Variants in PID1 observed in about 807,000 individuals in gnomAD.
PID1 encodes the protein phosphotyrosine interaction domain containing 1.
Under a neutral mutation model 19.1 loss-of-function variants are expected in PID1, and 10 were observed. The observed-to-expected ratio is 0.52, with a 90% CI of 0.32 to 0.89. PID1 has a LOEUF of 0.89. Among genes scored for constraint, PID1 ranks in the 40% least tolerant of loss-of-function variants. The probability of loss-of-function intolerance (pLI) is 0.03; values close to 1 mark genes in which losing one functional copy is unlikely to be tolerated. For missense variants in PID1, 248 were observed against 285.3 expected (o/e 0.87, Z 0.94); for synonymous variants, 130 against 116.0 (o/e 1.12, Z -0.78).
intron 2 of PID1, among the ~76,000 whole-genome samples, chr2:229,030,428 A>G (rs1693521956): frequency 1.3e-5 from 2 of 152,162 alleles, no homozygotes; most frequent in African/African-American, 4.8e-5. Context: ...TGTTGTATGT[A>G]TTTTACCAAA....
intron 1 of PID1, among the ~76,000 whole-genome samples, chr2:229,254,009 G>A (rs1690223288): frequency 6.6e-6 from 1 of 152,162 alleles, no homozygotes; most frequent in African/African-American, 2.4e-5. Context: ...ACCTTCTTCG[G>A]AAATGGTTGC....
At chr2:229,250,968 G>A (rs1690135479) in intron 1 of PID1, among the ~76,000 whole-genome samples, 1 of 152,186 alleles carries the variant, frequency 6.6e-6, no homozygotes. Context: ...AACATTTGCT[G>A]AAAGTAAAGA....
intron 2 of PID1, among the ~76,000 whole-genome samples, chr2:229,082,985 G>A (rs116627228): frequency 0.033 from 4,996 of 151,844 alleles, 107 homozygotes; most frequent in Middle Eastern, 0.079. Context: ...ATAAATTGAC[G>A]GACATAAAGG....
chr2:229,205,342 T>C (rs1214055415), intron 1 of PID1, among the ~76,000 whole-genome samples: 1 of 152,098 alleles, frequency 6.6e-6, no homozygotes, highest in Non-Finnish European at 1.5e-5. Flanking sequence ...TGTACATGTA[T>C]GAATCACTAA....
intron 1 of PID1, among the ~76,000 whole-genome samples, chr2:229,196,513 A>C (rs1691381308): frequency 6.6e-6 from 1 of 152,130 alleles, no homozygotes; most frequent in Admixed American, 6.6e-5. Flanking sequence ...TAAAAACAAC[A>C]AAGCTCAAAA....
intron 1 of PID1, among the ~76,000 whole-genome samples, chr2:229,201,098 C>T (rs753932818): frequency 6.6e-6 from 1 of 152,004 alleles, no homozygotes; most frequent in Non-Finnish European, 1.5e-5. Context: ...TTCCCTTTTT[C>T]TATTTCTTTT....
chr2:229,163,686 T>TGCGCGCGCGC, intron 1 of PID1, among the ~76,000 whole-genome samples: 1 of 125,000 alleles, frequency 8.0e-6, no homozygotes, highest in South Asian at 2.4e-4. Flanking sequence ...CGTGTGCGTG[T>TGCGCGCGCGC]GTGTGTGTGT....
chr2:229,145,090 A>C (rs1690098752), intron 2 of PID1, among the ~76,000 whole-genome samples: 1 of 150,168 alleles, frequency 6.7e-6, no homozygotes, highest in Admixed American at 6.7e-5. Context: ...CCCTAATGCA[A>C]AAGGTGAATA....
intron 2 of PID1, among the ~76,000 whole-genome samples, chr2:229,151,350 C>A (rs896838975): frequency 2.0e-5 from 3 of 152,070 alleles, no homozygotes; most frequent in Non-Finnish European, 4.4e-5. Flanking sequence ...TAGTTACTAA[C>A]GAGGGACCCT....
chr2:229,026,049 T>C lies in PID1; in HGVS notation c.237A>G (p.Glu79=). 1 of 1,614,178 alleles carries C rather than the reference T, an allele frequency of 6.2e-7. No homozygotes were observed. The part of the protein sequence containing the change: ...TGMQFLSGCT[E]KPVIELWKKH... Reference sequence around the variant, plus strand: ...TCTTCCAGAGCTCAATGACTGGCTTTTCTGTGCAGCCTGACAAAAACTGCA... The same window carrying C: ...TCTTCCAGAGCTCAATGACTGGCTTCTCTGTGCAGCCTGACAAAAACTGCA... Residue 79 remains glutamate, a synonymous_variant, in exon 3 of 3, where the codon GAA becomes GAG. Coordinates refer to ENST00000392055, the MANE Select transcript of PID1 (RefSeq NM_001100818.2).
Position 229,071,351 on chromosome 2 carries a change from G to C in PID1, c.178-45243C>G, listed in dbSNP as rs546581519. On this transcript the variant is annotated intron_variant, in intron 2 of 2. Coordinates refer to ENST00000392055, the MANE Select transcript of PID1 (RefSeq NM_001100818.2). ...GCTTCAAGCAAGAGAATTTTTCTTT[G>C]TCCAGGTGTTGTTGTTGGGGTTGTT... 1.2e-4 allele frequency among the ~76,000 whole-genome samples: 19 copies of C among 152,272 alleles called. No homozygotes were observed. The South Asian group carries it at 3.7e-3, about 30-fold the overall frequency.
intron 1 of PID1, among the ~76,000 whole-genome samples, chr2:229,243,737 C>T (rs1338387415): frequency 2.6e-5 from 4 of 152,078 alleles, no homozygotes; most frequent in African/African-American, 9.7e-5. Flanking sequence ...TCAAATAAAA[C>T]AATAAATAAG....
chr2:229,214,875 C>T (rs1014110459), intron 1 of PID1, among the ~76,000 whole-genome samples: 1 of 152,108 alleles, frequency 6.6e-6, no homozygotes, highest in African/African-American at 2.4e-5. Flanking sequence ...CACACACACA[C>T]AAATATATAT....
intron 1 of PID1, among the ~76,000 whole-genome samples, chr2:229,213,389 T>C (rs1574727210): frequency 6.6e-6 from 1 of 152,224 alleles, no homozygotes; most frequent in Admixed American, 6.5e-5. Flanking sequence ...TGCATCTGTC[T>C]ACATCACTCA....
At chr2:229,082,121 A>C (rs2106211431) in intron 2 of PID1, among the ~76,000 whole-genome samples, 1 of 152,342 alleles carries the variant, frequency 6.6e-6, no homozygotes, top group African/African-American at 2.4e-5. Context: ...GGTGTTCTTG[A>C]GATGTCACCA....
At chr2:229,049,916 T>A (rs1005392335) in intron 2 of PID1, among the ~76,000 whole-genome samples, 1 of 108,448 alleles carries the variant, frequency 9.2e-6, no homozygotes, top group Non-Finnish European at 1.8e-5. Flanking sequence ...CCAAGATATA[T>A]ATACATATAT....
chr2:229,062,358 C>A (rs1417529179), intron 2 of PID1, among the ~76,000 whole-genome samples: 1 of 151,658 alleles, frequency 6.6e-6, no homozygotes, highest in Non-Finnish European at 1.5e-5. Context: ...TGGCTTTTGT[C>A]CTTCATTTTG....
intron 1 of PID1, among the ~76,000 whole-genome samples, chr2:229,207,000 T>C (rs1419126159): frequency 2.6e-5 from 4 of 152,166 alleles, no homozygotes; most frequent in Non-Finnish European, 5.9e-5. Flanking sequence ...TACACTTTGA[T>C]AAGCAAGGTG....
chr2:229,138,857 T>A (rs1167806372), intron 2 of PID1, among the ~76,000 whole-genome samples: 10 of 126,500 alleles, frequency 7.9e-5, no homozygotes, highest in Non-Finnish European at 1.2e-4. Context: ...CATACGAATG[T>A]AGAAGGAGGA....
Sources: allele counts gnomAD v4.1 joint callset (sites outside exome capture counted in the v4.1 genomes callset), GRCh38; gene constraint gnomAD v4.1.1; transcripts MANE v1.5; gene names NCBI Gene and HGNC (gene_info 2026-07-23, HGNC 2026-07-21).